ANK2: variants seen among roughly 807,000 people sequenced by gnomAD.
The protein encoded by ANK2 is ankyrin-2.
A neutral mutation model predicts 360.5 loss-of-function variants in ANK2; 83 were observed. That is an observed-to-expected ratio of 0.23 (90% CI 0.19 to 0.28). The LOEUF (loss-of-function observed/expected upper bound fraction) is 0.28, where lower values mean the gene tolerates loss of function less well. ANK2 is among the 10% of genes least tolerant of loss of function. The probability of loss-of-function intolerance (pLI) is 1.00; values close to 1 mark genes in which losing one functional copy is unlikely to be tolerated. For synonymous variants in ANK2, 1,740 were observed against 1,759.5 expected (o/e 0.99, Z 0.28); for missense variants, 4,201 against 4,795.7 (o/e 0.88, Z 3.66).
At chr4:113,258,285 G>A (rs762737363) in intron 12 of ANK2, 28 bp from the exon 13 acceptor site, 5 of 1,610,330 alleles carry the variant, frequency 3.1e-6, no homozygotes, top group East Asian at 2.2e-5. Context: ...GTGCAGAGGA[G>A]TAAAACTGCT....
At chr4:112,780,043 T>C in the ANK2 span, among the ~76,000 whole-genome samples, 1 of 152,160 alleles carries the variant, frequency 6.6e-6, no homozygotes, top group Middle Eastern at 3.4e-3. Context: ...GGAAACATGG[T>C]GAAACCCTGT....
At chr4:113,134,690 G>T (rs1448163576) in intron 1 of ANK2, among the ~76,000 whole-genome samples, 2 of 152,098 alleles carry the variant, frequency 1.3e-5, no homozygotes, top group Non-Finnish European at 2.9e-5. Context: ...AATGTCAGTG[G>T]TTAATGAAAG....
intron 24 of ANK2, among the ~76,000 whole-genome samples, chr4:113,315,723 C>T (rs2082450801): frequency 1.3e-5 from 2 of 151,640 alleles, no homozygotes; most frequent in South Asian, 2.1e-4. Context: ...ACGGTGAAAC[C>T]CTGTCTCTAC....
rs113773529 is a variant in ANK2 at position 112,877,597 on chromosome 4, G to C, written c.-39-26858G>C. Among the ~76,000 whole-genome samples, 1,137 of 152,234 alleles carry C rather than the reference G, an allele frequency of 7.5e-3. 12 individuals are homozygous for C. Among genetic ancestry groups the C allele is most frequent in the African/African-American group, 0.025 (1,032 of 41,534 alleles). ...AGGATACAGAATTTTCAGAGCCCAGGACAAATGAAAATGAATGGTTACTTG... is the reference window on the plus strand; with the variant it reads ...AGGATACAGAATTTTCAGAGCCCAGCACAAATGAAAATGAATGGTTACTTG... On this transcript the variant is annotated intron_variant, in intron 1 of 30. Coordinates refer to the ANK2 transcript ENST00000503271.
chr4:113,109,402 C>T (rs2094030101), intron 1 of ANK2, among the ~76,000 whole-genome samples: 1 of 152,142 alleles, frequency 6.6e-6, no homozygotes, highest in Non-Finnish European at 1.5e-5. Flanking sequence ...AAGTTCGAAG[C>T]TTGAGTTTTG....
At position 113,174,351 on chromosome 4, in the gene ANK2, T is replaced by C; in HGVS notation, c.85-65T>C. 3.7e-6 allele frequency: 5 copies of C among 1,347,942 alleles called. No homozygotes were observed. In the South Asian group the frequency reaches 6.2e-5, roughly 17 times the overall value. 83.5% of individuals were successfully genotyped at this position (1,347,942 alleles called of 1,614,324 possible). On this transcript the variant is annotated intron_variant, in intron 1 of 45. Coordinates refer to ENST00000357077, the MANE Select transcript of ANK2 (RefSeq NM_001148.6). The stretch of plus-strand genomic sequence containing the variant: ...TGACTTCAGTGTAAACATTCTTGTC[T>C]TTCTGTATTGGATACATTTCTATTT...
chr4:112,998,016 A>G (rs1578659341), intron 2 of ANK2, among the ~76,000 whole-genome samples: 4 of 151,816 alleles, frequency 2.6e-5, no homozygotes, highest in Middle Eastern at 6.8e-3. Context: ...CTTAAAGGCC[A>G]TCTTTTGAGC....
chr4:113,149,424 G>T (rs1031292542), intron 1 of ANK2, among the ~76,000 whole-genome samples: 23 of 152,010 alleles, frequency 1.5e-4, no homozygotes, highest in African/African-American at 5.6e-4. Context: ...ATTGTCTTCC[G>T]TAAAAGTTTT....
At chr4:112,976,786 C>G (rs894952000) in intron 2 of ANK2, among the ~76,000 whole-genome samples, 1 of 151,846 alleles carries the variant, frequency 6.6e-6, no homozygotes, top group East Asian at 1.9e-4. Context: ...TGACCCTGCT[C>G]TACTTTGAAT....
At chr4:113,180,515 C>T (rs2153233913) in intron 2 of ANK2, among the ~76,000 whole-genome samples, 1 of 152,216 alleles carries the variant, frequency 6.6e-6, no homozygotes, top group Admixed American at 6.5e-5. Flanking sequence ...AAAGGTATTG[C>T]CATAGCCTGT....
chr4:112,878,791 C>T (rs190617542), intron 1 of ANK2, among the ~76,000 whole-genome samples: 1 of 152,110 alleles, frequency 6.6e-6, no homozygotes, highest in Non-Finnish European at 1.5e-5. Flanking sequence ...CCCGCCACCA[C>T]GCCCGGCTAA....
chr4:112,987,946 C>T (rs1050609024), intron 2 of ANK2, among the ~76,000 whole-genome samples: 24 of 151,970 alleles, frequency 1.6e-4, no homozygotes, highest in Non-Finnish European at 2.1e-4. Context: ...TAGTGTGCAA[C>T]GGCATAAGAT....
At chr4:112,970,885 G>A (rs748294693) in intron 2 of ANK2, among the ~76,000 whole-genome samples, 4 of 152,124 alleles carry the variant, frequency 2.6e-5, no homozygotes, top group Non-Finnish European at 2.9e-5. Flanking sequence ...ATGTGGTAAT[G>A]CATATGTCAA....
At chr4:113,333,328 G>T in intron 29 of ANK2, 120 bp downstream of exon 29, 1 of 1,270,038 alleles carries the variant, frequency 7.9e-7, no homozygotes, top group Non-Finnish European at 1.1e-6. Flanking sequence ...GTGTGTGTGT[G>T]TGTCCCTTGT....
intron 2 of ANK2, among the ~76,000 whole-genome samples, chr4:112,924,839 T>A: frequency 8.9e-6 from 1 of 111,800 alleles, no homozygotes; most frequent in East Asian, 4.4e-4. Flanking sequence ...ATTTATTACT[T>A]TTTTTTTTTT....
chr4:113,237,187 A>G lies in ANK2; in HGVS notation c.669+15A>G. 1.2e-6 allele frequency: 2 copies of G among 1,611,662 alleles called. No individual in the cohort carries two copies. Among genetic ancestry groups the G allele is most frequent in the Non-Finnish European group, 8.5e-7 (1 of 1,178,070 alleles). On this transcript the variant is annotated intron_variant, in intron 6 of 45. Transcript: ENST00000357077. ...TACAATCCAAGGTACTTAAAGCTGA[A>G]CACATTTGTGGAAAGGAACTCTTTG...
chr4:112,734,028 G>A, the ANK2 span, among the ~76,000 whole-genome samples: 8 of 152,250 alleles, frequency 5.3e-5, no homozygotes, highest in African/African-American at 1.9e-4. Context: ...ACCCGCCTCG[G>A]CCTCCCAAAG....
chr4:113,318,969 A>G (rs2084488330), intron 26 of ANK2, among the ~76,000 whole-genome samples: 1 of 152,192 alleles, frequency 6.6e-6, no homozygotes, highest in African/African-American at 2.4e-5. Context: ...TGTGATTTCT[A>G]GAAAGTTTCT....
At chr4:113,171,982 CT>C (rs939218996) in intron 1 of ANK2, among the ~76,000 whole-genome samples, 1 of 152,108 alleles carries the variant, frequency 6.6e-6, no homozygotes, top group African/African-American at 2.4e-5. Flanking sequence ...TCACAGCATT[CT>C]TTTTTATAGG....
Sources: gnomAD v4.1 joint callset for allele counts (sites outside exome capture counted in the v4.1 genomes callset) on GRCh38, gnomAD v4.1.1 for gene constraint, MANE v1.5 for transcripts, NCBI Gene and HGNC (gene_info 2026-07-23, HGNC 2026-07-21) for gene names.